SLC24A3: variants seen among roughly 807,000 people sequenced by gnomAD.
The protein encoded by SLC24A3 is solute carrier family 24 member 3, also known as sodium/potassium/calcium exchanger 3.
SLC24A3 carries 28 observed loss-of-function variants against 75.8 expected under a neutral mutation model. That is an observed-to-expected ratio of 0.37 (90% CI 0.27 to 0.51). The LOEUF is 0.51. Among genes scored for constraint, SLC24A3 ranks in the 20% least tolerant of loss-of-function variants. SLC24A3 has a pLI of 0.94. For synonymous variants in SLC24A3, 372 were observed against 334.1 expected (o/e 1.11, Z -1.24); for missense variants, 663 against 847.8 (o/e 0.78, Z 2.71).
chr20:19,282,882 A>G (rs1983702868), intron 2 of SLC24A3, among the ~76,000 whole-genome samples: 1 of 152,210 alleles, frequency 6.6e-6, no homozygotes, highest in Non-Finnish European at 1.5e-5. Flanking sequence ...TGACAGATGT[A>G]GAAGCATAAA....
intron 6 of SLC24A3, among the ~76,000 whole-genome samples, chr20:19,620,073 T>G (rs1047912210): frequency 6.6e-6 from 1 of 152,196 alleles, no homozygotes; most frequent in East Asian, 1.9e-4. Context: ...CTTTTTTCCT[T>G]GGCTGACTCA....
chr20:19,311,749 C>T (rs759872797), intron 2 of SLC24A3, among the ~76,000 whole-genome samples: 8 of 152,046 alleles, frequency 5.3e-5, no homozygotes, highest in Admixed American at 1.3e-4. Context: ...CAACAGTATG[C>T]AGCTCTCTTT....
intron 3 of SLC24A3, among the ~76,000 whole-genome samples, chr20:19,540,667 A>G (rs780333230): frequency 2.0e-5 from 3 of 152,106 alleles, no homozygotes; most frequent in Non-Finnish European, 2.9e-5. Context: ...GGGGAGGCCC[A>G]TTTCCTGGCA....
chr20:19,480,853 T>A (rs542733470), intron 2 of SLC24A3, among the ~76,000 whole-genome samples: 1 of 152,304 alleles, frequency 6.6e-6, no homozygotes, highest in South Asian at 2.1e-4. Context: ...ATTGTCCTCC[T>A]GAAAGGCTGA....
intron 3 of SLC24A3, among the ~76,000 whole-genome samples, chr20:19,575,817 G>A (rs551279177): frequency 5.9e-5 from 9 of 152,320 alleles, no homozygotes; most frequent in African/African-American, 1.9e-4. Context: ...CAACGGCTCT[G>A]ACAGGCAGCC....
intron 2 of SLC24A3, among the ~76,000 whole-genome samples, chr20:19,352,505 A>G (rs1324422187): frequency 6.6e-6 from 1 of 152,140 alleles, no homozygotes; most frequent in Non-Finnish European, 1.5e-5. Context: ...TCATTTGATT[A>G]TTGAAACAGC....
chr20:19,705,971 C>T (rs1487822283), intron 15 of SLC24A3, among the ~76,000 whole-genome samples: 1 of 152,124 alleles, frequency 6.6e-6, no homozygotes, highest in African/African-American at 2.4e-5. Flanking sequence ...ACGTCTGTTC[C>T]ACAAGCTTTA....
chr20:19,697,280 A>G (rs1251489475), intron 14 of SLC24A3, among the ~76,000 whole-genome samples: 1 of 152,220 alleles, frequency 6.6e-6, no homozygotes, highest in Non-Finnish European at 1.5e-5. Context: ...TGGAGGCTGT[A>G]TCACCATCCT....
chr20:19,677,293 C>CAA lies in SLC24A3; in HGVS notation c.767+3654_767+3655dup, dbSNP rs5840854. Among the ~76,000 whole-genome samples the CAA allele has an allele frequency of 4.2e-3, 434 of 102,562 alleles. 1 individual carries two copies. The highest frequency in any genetic ancestry group is 0.011 in the African/African-American group (324 of 30,256). 67.3% of individuals were successfully genotyped at this position (102,562 alleles called of 152,430 possible). Reference sequence around the variant, plus strand: ...TCAGCAACATAGCAAGACCCCGTTCCAAAAAAAAAAAAAAAAGCAAACCTT... The same window carrying CAA: ...TCAGCAACATAGCAAGACCCCGTTCCAAAAAAAAAAAAAAAAAAGCAAACCTT... On this transcript the variant is annotated intron_variant, in intron 9 of 16. Transcript: ENST00000328041.
At position 19,548,453 on chromosome 20, in the gene SLC24A3, A is replaced by G. The variant is rs147954178; in HGVS notation, c.349-31547A>G. On this transcript the variant is annotated intron_variant, in intron 3 of 16. Coordinates refer to ENST00000328041, the MANE Select transcript of SLC24A3 (RefSeq NM_020689.4). ...ACTAGTATGGTAGGCTAATTGTAGT[A>G]ACAAATAAACCCTATGTTAGTTTTC... 5.9e-3 allele frequency among the ~76,000 whole-genome samples: 898 copies of G among 152,362 alleles called. 7 individuals are homozygous for G. Among genetic ancestry groups the G allele is most frequent in the Middle Eastern group, 0.031 (9 of 294 alleles).
intron 2 of SLC24A3, among the ~76,000 whole-genome samples, chr20:19,478,250 T>C (rs1423339085): frequency 6.6e-6 from 1 of 152,200 alleles, no homozygotes; most frequent in African/African-American, 2.4e-5. Flanking sequence ...AAGTGCAGGC[T>C]CAGAGCCTTA....
At position 19,325,786 on chromosome 20, in the gene SLC24A3, A is replaced by ATG. The variant is rs1568589847; in HGVS notation, c.271+44700_271+44701insGT. Among the ~76,000 whole-genome samples the ATG allele has an allele frequency of 2.7e-4, 26 of 96,462 alleles. 2 individuals carry two copies. The highest frequency in any genetic ancestry group is 9.4e-4 in the African/African-American group (25 of 26,628). 63.3% of individuals were successfully genotyped at this position (96,462 alleles called of 152,430 possible). ...CATACATATATATATACATATATAT[A>ATG]TATATATATAGAGAGAGAGAGAGAG... On this transcript the variant is annotated intron_variant, in intron 2 of 16. Coordinates refer to ENST00000328041, the MANE Select transcript of SLC24A3 (RefSeq NM_020689.4).
At chr20:19,349,652 C>G (rs373547997) in intron 2 of SLC24A3, among the ~76,000 whole-genome samples, 1 of 152,224 alleles carries the variant, frequency 6.6e-6, no homozygotes, top group South Asian at 2.1e-4. Flanking sequence ...TTCTGGAGGC[C>G]CCCAGCAGGA....
At chr20:19,374,964 A>G (rs1986057263) in intron 2 of SLC24A3, among the ~76,000 whole-genome samples, 1 of 152,152 alleles carries the variant, frequency 6.6e-6, no homozygotes, top group South Asian at 2.1e-4. Flanking sequence ...GCAAGGTAAC[A>G]CTGAGTCTGT....
chr20:19,632,610 T>C (rs1314287789), intron 6 of SLC24A3, among the ~76,000 whole-genome samples: 1 of 152,252 alleles, frequency 6.6e-6, no homozygotes, highest in African/African-American at 2.4e-5. Context: ...TCACTTACAA[T>C]GTAAGCTAAC....
At chr20:19,251,627 G>A (rs139107315) in intron 1 of SLC24A3, among the ~76,000 whole-genome samples, 3 of 152,166 alleles carry the variant, frequency 2.0e-5, no homozygotes, top group Non-Finnish European at 4.4e-5. Flanking sequence ...ATTGTCCCAC[G>A]AGAGAGGCAA....
At chr20:19,634,139 T>C (rs955523341) in intron 6 of SLC24A3, among the ~76,000 whole-genome samples, 3 of 152,226 alleles carry the variant, frequency 2.0e-5, no homozygotes, top group Admixed American at 6.5e-5. Flanking sequence ...GGGAAGCATT[T>C]TCAGCTTGTG....
chr20:19,267,675 T>G (rs1373340963), intron 1 of SLC24A3, among the ~76,000 whole-genome samples: 1 of 152,250 alleles, frequency 6.6e-6, no homozygotes, highest in Non-Finnish European at 1.5e-5. Context: ...ATCATTTTCT[T>G]GATATGATTT....
At chr20:19,324,863 C>CT (rs1370668734) in intron 2 of SLC24A3, among the ~76,000 whole-genome samples, 1 of 152,108 alleles carries the variant, frequency 6.6e-6, no homozygotes, top group Non-Finnish European at 1.5e-5. Flanking sequence ...CTTTTCTTTT[C>CT]TTTTTTTCTC....
Sources: allele counts gnomAD v4.1 joint callset (sites outside exome capture counted in the v4.1 genomes callset), GRCh38; gene constraint gnomAD v4.1.1; transcripts MANE v1.5; gene names NCBI Gene and HGNC (gene_info 2026-07-23, HGNC 2026-07-21).